The following DNMT3A variants were observed in gnomAD, a reference collection of about 807,000 sequenced individuals.
The protein encoded by DNMT3A is DNA (cytosine-5)-methyltransferase 3A.
DNMT3A carries 267 observed loss-of-function variants against 117.6 expected under a neutral mutation model. The ratio of observed to expected loss-of-function variants is 2.27; its 90% CI spans 2.05 to 2.51. The LOEUF is 2.51. Among genes scored for constraint, DNMT3A ranks in the 30% most tolerant of loss-of-function variants. The pLI, the probability that DNMT3A is intolerant of heterozygous loss-of-function variation, is 0.00. For synonymous variants in DNMT3A, 432 were observed against 474.8 expected, an observed-to-expected ratio of 0.91 and a Z score of 1.17; for missense variants, 1,029 against 1,260.2, an observed-to-expected ratio of 0.82 and a Z score of 2.78.
At chr2:25,324,673 C>T (rs930617101) in intron 1 of DNMT3A, among the ~76,000 whole-genome samples, 2 of 152,276 alleles carry the variant, frequency 1.3e-5, no homozygotes, top group East Asian at 3.9e-4. Flanking sequence ...TGGAGGAGAC[C>T]TCCTAGACGG....
rs1390067679 is a variant in DNMT3A at position 25,232,119 on chromosome 2, CCTAT to C, written c.*2156_*2159del. 5 of 152,124 alleles carry C rather than the reference CCTAT, an allele frequency of 3.3e-5. No homozygotes were observed. The highest frequency in any genetic ancestry group is 1.2e-4 in the African/African-American group (5 of 41,420). The allele number at this position is 152,124 out of a possible 1,614,324, so 9.4% of individuals were successfully genotyped here. A position where few individuals can be genotyped will look rare whatever the true frequency, so the allele number is the denominator to read the frequency against. On this transcript the variant is annotated 3_prime_UTR_variant, in exon 23 of 23. Coordinates refer to ENST00000321117, the MANE Select transcript of DNMT3A (RefSeq NM_022552.5). This position sits in a 1 kb window ranked among gnomAD's most constrained non-coding sequence, Gnocchi z 4.1. ...CCCCATAATATTTCTTAAACATGAC[CCTAT>C]CTATGTATTTATAGAGCGCCTATCA...
chr2:25,284,645 T>TTAAAAAAA (rs1287436463), intron 3 of DNMT3A, among the ~76,000 whole-genome samples: 1 of 16,632 alleles, frequency 6.0e-5, no homozygotes, highest in African/African-American at 4.1e-4. Context: ...AGACTCCATC[T>TTAAAAAAA]AAAAAAAAAA....
chr2:25,314,664 G>A (rs1012725311), intron 1 of DNMT3A: 49 of 985,314 alleles, frequency 5.0e-5, no homozygotes, highest in Non-Finnish European at 5.4e-5. Context: ...CTTCAGGACC[G>A]GTGCCTGGGC....
At position 25,336,332 on chromosome 2, in the gene DNMT3A, G is replaced by C. The variant is rs2035214737; in HGVS notation, c.-178+5494C>G. Among the ~76,000 whole-genome samples, 3 of 152,306 alleles carry C rather than the reference G, an allele frequency of 2.0e-5. No individual in the cohort carries two copies. The South Asian group carries it at 6.2e-4, about 32-fold the overall frequency. On this transcript the variant is annotated intron_variant, in intron 1 of 22. Coordinates refer to ENST00000321117, the MANE Select transcript of DNMT3A (RefSeq NM_022552.5). ...GGCAGCCCCTTGCAGGAATGTTCTG[G>C]ATGCTGGGGCGCCTCAGCCTGATGG...
chr2:25,328,159 T>C (rs1170070092), intron 1 of DNMT3A, among the ~76,000 whole-genome samples: 1 of 152,254 alleles, frequency 6.6e-6, no homozygotes, highest in Admixed American at 6.5e-5. Context: ...CATCGAACTG[T>C]ACACTTATAT....
chr2:25,255,553 G>A (rs1317099226), intron 6 of DNMT3A, among the ~76,000 whole-genome samples: 2 of 152,182 alleles, frequency 1.3e-5, no homozygotes, highest in Non-Finnish European at 2.9e-5. Flanking sequence ...TTCCTGTTTG[G>A]TGGGCAGACA....
At chr2:25,256,306 A>G (rs138044320) in intron 6 of DNMT3A, among the ~76,000 whole-genome samples, 100 of 152,204 alleles carry the variant, frequency 6.6e-4, no homozygotes, top group African/African-American at 2.2e-3. Flanking sequence ...GTGTGATATC[A>G]TGAAGCCCAC....
At position 25,241,572 on chromosome 2, in the gene DNMT3A, G is replaced by GT. The variant is rs1674028386; in HGVS notation, c.2071dup (p.Thr691AsnfsTer22). 1 of 1,613,698 alleles carries GT rather than the reference G, an allele frequency of 6.2e-7. No homozygotes were observed. Among genetic ancestry groups the GT allele is most frequent in the Non-Finnish European group, 8.5e-7 (1 of 1,179,840 alleles). On this transcript the variant is annotated frameshift_variant, in exon 17 of 23. Coordinates refer to ENST00000321117, the MANE Select transcript of DNMT3A (RefSeq NM_022552.5). LOFTEE classifies it high-confidence loss of function. ...ACAGCATGGACATACATGCTTCTGT[G>GT]TGACGCTGCGGACGTCCCCGACGTA...
rs1488438187 is a variant in DNMT3A, at chr2:25,247,273, G to T, written c.1015-115C>A. On this transcript the variant is annotated intron_variant, in intron 8 of 22. Transcript: ENST00000321117. The surrounding 1 kb of genome is among the most constrained non-coding windows in gnomAD (Gnocchi z 5.6). The stretch of plus-strand genomic sequence containing the variant: ...GAGAGTCAGTCTCAGCCCTGGAGGG[G>T]ACCAGATACAGTGATAAATAATTAC... The T allele has an allele frequency of 1.3e-5, 13 of 1,030,422 alleles. No homozygotes were observed. Among genetic ancestry groups the T allele is most frequent in the Non-Finnish European group, 1.9e-5 (13 of 686,834 alleles). The allele number at this position is 1,030,422 out of a possible 1,614,324, so 63.8% of individuals were successfully genotyped here.
At chr2:25,308,995 ACACACG>A (rs1398723511) in intron 2 of DNMT3A, among the ~76,000 whole-genome samples, 10 of 151,892 alleles carry the variant, frequency 6.6e-5, no homozygotes, top group Non-Finnish European at 8.8e-5. Context: ...ACACACACAC[ACACACG>A]CACGCACATG....
chr2:25,252,240 C>T lies in DNMT3A; in HGVS notation c.640-3988G>A. The T allele has an allele frequency of 1.0e-5, 16 of 1,525,112 alleles. No homozygotes were observed. Among genetic ancestry groups the T allele is most frequent in the Non-Finnish European group, 1.4e-5 (16 of 1,135,982 alleles). 94.5% of individuals were successfully genotyped at this position (1,525,112 alleles called of 1,614,324 possible). A position where few individuals can be genotyped will look rare whatever the true frequency, so the allele number is the denominator to read the frequency against. On this transcript the variant is annotated intron_variant, in intron 6 of 22. Coordinates refer to ENST00000321117, the MANE Select transcript of DNMT3A (RefSeq NM_022552.5). This position sits in a 1 kb window ranked among gnomAD's most constrained non-coding sequence, Gnocchi z 5.5. The stretch of plus-strand genomic sequence containing the variant: ...CTCTGCAGTCGCGCTCAGGTGTGAG[C>T]CGCGGCCCTGAAGCTCTGGAAGTAG...
At chr2:25,315,337 G>A (rs2034328238) in intron 1 of DNMT3A, among the ~76,000 whole-genome samples, 1 of 152,208 alleles carries the variant, frequency 6.6e-6, no homozygotes, top group South Asian at 2.1e-4. Context: ...TGTGCCCCAG[G>A]GGGTAGTGGG....
intron 1 of DNMT3A, among the ~76,000 whole-genome samples, chr2:25,341,042 C>T (rs887906823): frequency 2.1e-5 from 3 of 146,276 alleles, no homozygotes; most frequent in Non-Finnish European, 4.6e-5. Flanking sequence ...GGCGCTCTCC[C>T]CGGCCCCGCC....
At chr2:25,242,931 T>A (rs1573321571) in intron 16 of DNMT3A, among the ~76,000 whole-genome samples, 1 of 152,012 alleles carries the variant, frequency 6.6e-6, no homozygotes, top group Admixed American at 6.6e-5. Flanking sequence ...ATAAAAAAAA[T>A]AGTAAATGAC....
intron 6 of DNMT3A, among the ~76,000 whole-genome samples, chr2:25,249,239 A>G (rs1190455919): frequency 6.6e-6 from 1 of 152,232 alleles, no homozygotes; most frequent in Non-Finnish European, 1.5e-5. Flanking sequence ...AAATTTAAAA[A>G]GCAAGGGGGA....
In DNMT3A at chr2:25,296,990, T is replaced by A. The variant is rs2033127687; in HGVS notation, c.177+3149A>T. 6.6e-6 allele frequency among the ~76,000 whole-genome samples: 1 copy of A among 152,172 alleles called. No homozygotes were observed. Among genetic ancestry groups the A allele is most frequent in the Non-Finnish European group, 1.5e-5 (1 of 68,032 alleles). On this transcript the variant is annotated intron_variant, in intron 3 of 22. Transcript: ENST00000321117. The surrounding 1 kb of genome is among the most constrained non-coding windows in gnomAD (Gnocchi z 4.2). ...AGCTCCTTCCCCAGGCTTAGCTGGA[T>A]GACACACTCAGCTGCTTTAAAGCTC...
intron 4 of DNMT3A, among the ~76,000 whole-genome samples, chr2:25,276,547 A>C (rs569499965): frequency 6.6e-6 from 1 of 152,312 alleles, no homozygotes; most frequent in South Asian, 2.1e-4. Context: ...AGCCCCCAGC[A>C]TGAGGGGAGC....
rs75986901 is a variant in DNMT3A, at chr2:25,286,295, G to A, written c.178-3584C>T. Among the ~76,000 whole-genome samples, 16,782 of 152,224 alleles carry A rather than the reference G, an allele frequency of 0.11. 1,236 individuals are homozygous for A. Among genetic ancestry groups the A allele is most frequent in the Non-Finnish European group, 0.16 (11,132 of 67,986 alleles). Reference sequence around the variant, plus strand: ...TAAGCCCTGCCCTGGCCTTGCCCGCGGACCCCAGTCTGCAACAGCACCAGA... The same window carrying A: ...TAAGCCCTGCCCTGGCCTTGCCCGCAGACCCCAGTCTGCAACAGCACCAGA... On this transcript the variant is annotated intron_variant, in intron 3 of 22. Coordinates refer to ENST00000321117, the MANE Select transcript of DNMT3A (RefSeq NM_022552.5). The surrounding 1 kb of genome is among the most constrained non-coding windows in gnomAD (Gnocchi z 4.3).
In DNMT3A at chr2:25,228,808, G is replaced by C. The variant is rs761031475; in HGVS notation, c.*5471C>G. On this transcript the variant is annotated 3_prime_UTR_variant, in exon 23 of 23. Coordinates refer to ENST00000321117, the MANE Select transcript of DNMT3A (RefSeq NM_022552.5). The stretch of plus-strand genomic sequence containing the variant: ...AATTCTAGGGCTGTGCAACCAAATC[G>C]GTCTGTGAAGTGAAATGGGACTAGG... The C allele has an allele frequency of 6.6e-6, 1 of 152,136 alleles. No individual in the cohort carries two copies. The allele number at this position is 152,136 out of a possible 1,614,324, so 9.4% of individuals were successfully genotyped here.
Sources: allele counts gnomAD v4.1 joint callset (sites outside exome capture counted in the v4.1 genomes callset), GRCh38; gene constraint gnomAD v4.1.1; non-coding constraint Gnocchi (gnomAD v3.1); transcripts MANE v1.5; gene names NCBI Gene and HGNC (gene_info 2026-07-23, HGNC 2026-07-21).